The following STPG2 variants were observed in gnomAD, a reference collection of about 807,000 sequenced individuals.
The protein encoded by STPG2 is sperm tail PG-rich repeat containing 2.
In STPG2, 56 loss-of-function variants were observed where a neutral mutation model predicts 54.2. The ratio of observed to expected loss-of-function variants is 1.03; its 90% CI spans 0.83 to 1.29. The LOEUF is 1.29. STPG2 is among the 50% of genes most tolerant of loss of function. STPG2 has a pLI of 0.00. For missense variants in STPG2, 596 were observed against 544.9 expected, an observed-to-expected ratio of 1.09 and a Z score of -0.93; for synonymous variants, 200 against 181.8, an observed-to-expected ratio of 1.10 and a Z score of -0.81.
chr4:97,972,415 G>A lies in STPG2; in HGVS notation c.798C>T (p.Asn266=), dbSNP rs755029152. The A allele has an allele frequency of 4.5e-6, 7 of 1,565,796 alleles. No individual in the cohort carries two copies. In the East Asian group the frequency reaches 1.6e-4, roughly 36 times the overall value. ...TTCTAACACTGGCAATTATAGTATT[G>A]TTCAAGACATTATAAAATCCAGGAC... ...MPGPGFYNVL[N]NTIIASVRNI... The change falls in exon 7 of 11, where the codon AAC becomes AAT. Residue 266 remains asparagine (N), a synonymous_variant. Coordinates refer to ENST00000295268, the MANE Select transcript of STPG2 (RefSeq NM_174952.3).
intron 9 of STPG2, among the ~76,000 whole-genome samples, chr4:97,785,453 A>G (rs1726795134): frequency 6.6e-6 from 1 of 152,118 alleles, no homozygotes; most frequent in Admixed American, 6.6e-5. Context: ...AAGTTTCCCC[A>G]AGCATCTTCT....
chr4:97,979,493 A>T (rs1734599982), intron 6 of STPG2, among the ~76,000 whole-genome samples: 1 of 152,140 alleles, frequency 6.6e-6, no homozygotes, highest in Non-Finnish European at 1.5e-5. Flanking sequence ...GATGGATGAA[A>T]CAATCCTCTC....
intron 10 of STPG2, among the ~76,000 whole-genome samples, chr4:97,591,611 G>A (rs1184283301): frequency 6.6e-6 from 1 of 152,084 alleles, no homozygotes; most frequent in African/African-American, 2.4e-5. Context: ...AGAGATAGAG[G>A]GATAAAATTC....
chr4:97,842,839 C>T (rs1728842364), intron 8 of STPG2, among the ~76,000 whole-genome samples: 1 of 151,864 alleles, frequency 6.6e-6, no homozygotes, highest in Non-Finnish European at 1.5e-5. Flanking sequence ...TTATTCTTCT[C>T]TGAAACTTAT....
intron 10 of STPG2, among the ~76,000 whole-genome samples, chr4:97,579,568 T>C (rs947554299): frequency 6.6e-6 from 1 of 152,088 alleles, no homozygotes; most frequent in Non-Finnish European, 1.5e-5. Flanking sequence ...AATTAAATAT[T>C]GCTGGTGAAA....
rs557573385 is a variant in STPG2, at chr4:97,518,638, G to A, written c.462+194061C>T. On this transcript the variant is annotated intron_variant, in intron 4 of 4. Coordinates refer to the STPG2 transcript ENST00000522676. ...TGTATTAATGTAAATTGGTAAATAC[G>A]ATCCATTCAGGGCGACAAAAATTGG... Among the ~76,000 whole-genome samples, 20 of 152,092 alleles carry A rather than the reference G, an allele frequency of 1.3e-4. No homozygotes were observed. In the South Asian group the frequency reaches 1.9e-3, roughly 14 times the overall value.
intron 8 of STPG2, among the ~76,000 whole-genome samples, chr4:97,892,813 C>T (rs1189380114): frequency 2.0e-5 from 3 of 152,056 alleles, no homozygotes; most frequent in Admixed American, 6.6e-5. Flanking sequence ...AAGGCACTAG[C>T]AGCTGTCACC....
At chr4:97,689,134 A>C (rs562020235) in intron 10 of STPG2, among the ~76,000 whole-genome samples, 1 of 152,272 alleles carries the variant, frequency 6.6e-6, no homozygotes, top group East Asian at 1.9e-4. Flanking sequence ...TTTGGTCACA[A>C]AAAAGAAAAT....
At chr4:97,515,769 TACAG>T (rs1341775739) in intron 4 of STPG2, among the ~76,000 whole-genome samples, 3 of 152,062 alleles carry the variant, frequency 2.0e-5, no homozygotes, top group Non-Finnish European at 2.9e-5. Flanking sequence ...GTTTCCTTTA[TACAG>T]ACAAACTTTT....
At chr4:97,566,089 C>A (rs1458456382) in intron 10 of STPG2, among the ~76,000 whole-genome samples, 2 of 152,150 alleles carry the variant, frequency 1.3e-5, no homozygotes, top group Admixed American at 1.3e-4. Context: ...TGGGCTCCAC[C>A]CAGTTCGAGC....
chr4:98,104,777 T>A (rs982194535), intron 5 of STPG2, among the ~76,000 whole-genome samples: 2 of 152,206 alleles, frequency 1.3e-5, no homozygotes, highest in South Asian at 2.1e-4. Flanking sequence ...AAATTACCCT[T>A]ATGTAAGGTC....
intron 8 of STPG2, 30 bp downstream of exon 8, chr4:97,943,867 G>A: frequency 2.1e-6 from 3 of 1,439,308 alleles, no homozygotes; most frequent in Non-Finnish European, 2.8e-6. Flanking sequence ...TCTAGATAAT[G>A]AAAATATTTG....
intron 9 of STPG2, among the ~76,000 whole-genome samples, chr4:97,771,299 G>A (rs973049799): frequency 3.3e-5 from 5 of 152,128 alleles, no homozygotes; most frequent in African/African-American, 1.2e-4. Context: ...TGATAAAAGA[G>A]TAACTCTAGG....
At chr4:97,762,987 T>C (rs1725931608) in intron 9 of STPG2, among the ~76,000 whole-genome samples, 1 of 152,198 alleles carries the variant, frequency 6.6e-6, no homozygotes, top group Non-Finnish European at 1.5e-5. Flanking sequence ...ATACAAATCT[T>C]AACATACCTC....
At chr4:97,451,502 T>G (rs1427918624) in intron 4 of STPG2, among the ~76,000 whole-genome samples, 1 of 152,180 alleles carries the variant, frequency 6.6e-6, no homozygotes, top group Non-Finnish European at 1.5e-5. Flanking sequence ...ATCTTTTTTA[T>G]AATTTTATTT....
chr4:97,795,509 C>A (rs373503288), intron 9 of STPG2, among the ~76,000 whole-genome samples: 1 of 152,210 alleles, frequency 6.6e-6, no homozygotes, highest in Non-Finnish European at 1.5e-5. Flanking sequence ...ATCCATGTCC[C>A]TACAAAGGAC....
At chr4:97,679,045 T>C (rs1347626789) in intron 10 of STPG2, among the ~76,000 whole-genome samples, 1 of 152,150 alleles carries the variant, frequency 6.6e-6, no homozygotes, top group Non-Finnish European at 1.5e-5. Flanking sequence ...TTTGGGTTGG[T>C]TCCAAGTCTT....
intron 4 of STPG2, among the ~76,000 whole-genome samples, chr4:97,506,564 T>C (rs115180451): frequency 0.022 from 3,394 of 152,012 alleles, 81 homozygotes; most frequent in African/African-American, 0.064. Flanking sequence ...GTGTTTTATA[T>C]AGTTAAATCT....
At chr4:98,108,420 TAA>T (rs945639600) in intron 4 of STPG2, among the ~76,000 whole-genome samples, 3 of 152,160 alleles carry the variant, frequency 2.0e-5, no homozygotes, top group African/African-American at 7.2e-5. Context: ...AACTCATGTC[TAA>T]AACCTGACTG....
Sources: gnomAD v4.1 joint callset for allele counts (sites outside exome capture counted in the v4.1 genomes callset) on GRCh38, gnomAD v4.1.1 for gene constraint, MANE v1.5 for transcripts, NCBI Gene and HGNC (gene_info 2026-07-23, HGNC 2026-07-21) for gene names.